Variants in CRYBG1 observed in about 807,000 individuals in gnomAD.
CRYBG1 encodes crystallin beta-gamma domain containing 1.
In CRYBG1, 139 loss-of-function variants were observed where a neutral mutation model predicts 189.2. The observed-to-expected ratio is 0.73, with a 90% confidence interval of 0.64 to 0.85. CRYBG1 has a LOEUF of 0.85. Among genes scored for constraint, CRYBG1 ranks in the 40% least tolerant of loss-of-function variants. The probability of loss-of-function intolerance (pLI) is 0.00; values close to 1 mark genes in which losing one functional copy is unlikely to be tolerated. For synonymous variants in CRYBG1, 1,023 were observed against 1,017.1 expected (o/e 1.01, Z -0.11); for missense variants, 2,611 against 2,675.8 (o/e 0.98, Z 0.53).
intron 1 of CRYBG1, among the ~76,000 whole-genome samples, chr6:106,381,153 C>G (rs1052612134): frequency 1.2e-4 from 19 of 152,274 alleles, no homozygotes; most frequent in African/African-American, 4.6e-4. Context: ...TGAGGTATAT[C>G]CAGACACTCC....
At chr6:106,415,082 T>A (rs576666037) in intron 1 of CRYBG1, among the ~76,000 whole-genome samples, 1 of 152,292 alleles carries the variant, frequency 6.6e-6, no homozygotes, top group Admixed American at 6.5e-5. Flanking sequence ...GCTCCTACAA[T>A]CTTTGAGTCC....
intron 2 of CRYBG1, among the ~76,000 whole-genome samples, chr6:106,506,960 A>C (rs1399881388): frequency 6.6e-6 from 1 of 152,170 alleles, no homozygotes; most frequent in Non-Finnish European, 1.5e-5. Flanking sequence ...GAACAGTTTC[A>C]AAAAAACTCT....
chr6:106,522,527 C>T lies in CRYBG1; in HGVS notation c.4245+1074C>T, dbSNP rs561220993. 3.1e-3 allele frequency among the ~76,000 whole-genome samples: 476 copies of T among 152,206 alleles called. 6 individuals are homozygous for T. The highest frequency in any genetic ancestry group is 0.011 in the African/African-American group (454 of 41,520). On this transcript the variant is annotated intron_variant, in intron 4 of 21. Coordinates refer to ENST00000633556, the MANE Select transcript of CRYBG1 (RefSeq NM_001371242.2). ...TTTACTCGGTTTTTGATGTGAATTG[C>T]GCCTTTTTGTTACCAAGCTTATTTA... is the stretch of plus-strand genomic sequence containing the variant.
chr6:106,558,408 T>C, intron 17 of CRYBG1, 78 bp from the exon 18 acceptor site: 1 of 1,284,712 alleles, frequency 7.8e-7, no homozygotes, highest in Non-Finnish European at 1.1e-6. Context: ...GCTTTGTCCT[T>C]GTAACAAGAT....
rs112658894 is a variant in CRYBG1 at position 106,542,378 on chromosome 6, G to C, written c.4881+757G>C. On this transcript the variant is annotated intron_variant, in intron 10 of 21. Transcript: ENST00000633556. ...GCTCACTGAAGCCTCGATTTCTCCA[G>C]CTCAAGCCATCCTCTTGCCTCAGCC... 2.8e-3 allele frequency among the ~76,000 whole-genome samples: 411 copies of C among 149,410 alleles called. 4 individuals carry two copies. The highest frequency in any genetic ancestry group is 9.7e-3 in the African/African-American group (395 of 40,808).
Position 106,511,629 on chromosome 6 carries a change from A to G in CRYBG1, c.512A>G (p.Gln171Arg), listed in dbSNP as rs1332550133. 6.5e-7 allele frequency: 1 copy of G among 1,535,806 alleles called. No homozygotes were observed. The highest frequency in any genetic ancestry group is 2.0e-5 in the Admixed American group (1 of 50,988). The change falls in exon 3 of 22, where the codon CAG becomes CGG. Residue 171 changes from glutamine to arginine, a missense_variant. This residue lies in a region of CRYBG1 where 985 missense variants were observed against 924.4 expected (regional missense o/e 1.07). Transcript: ENST00000633556. ...AGAGAGAGTGAGAGGAGCAGATCTCAGAGCAGCCAACTGAAGCAAACGGAC... is the reference window on the plus strand; with the variant it reads ...AGAGAGAGTGAGAGGAGCAGATCTCGGAGCAGCCAACTGAAGCAAACGGAC... Reference protein sequence around the residue: ...PERESERSRSQSSQLKQTDTS... With the variant: ...PERESERSRSRSSQLKQTDTS...
chr6:106,465,907 C>G (rs1391514881), intron 2 of CRYBG1, among the ~76,000 whole-genome samples: 1 of 152,166 alleles, frequency 6.6e-6, no homozygotes, highest in Non-Finnish European at 1.5e-5. Flanking sequence ...TGTAGAATCA[C>G]TCAAATTTAA....
chr6:106,381,825 A>G (rs968216866), intron 1 of CRYBG1, among the ~76,000 whole-genome samples: 54 of 152,340 alleles, frequency 3.5e-4, no homozygotes, highest in African/African-American at 1.2e-3. Context: ...GAAAGCCCCC[A>G]GGTGGTTGGA....
intron 2 of CRYBG1, among the ~76,000 whole-genome samples, chr6:106,489,799 A>G (rs1772677508): frequency 6.7e-6 from 1 of 150,144 alleles, no homozygotes; most frequent in African/African-American, 2.5e-5. Context: ...AAAAAAAAAA[A>G]AAAAAAAAGA....
rs188297785 is a variant in CRYBG1, at chr6:106,528,913, G to A, written c.4579-1263G>A. Among the ~76,000 whole-genome samples, 16 of 151,684 alleles carry A rather than the reference G, an allele frequency of 1.1e-4. No individual in the cohort carries two copies. In the East Asian group the frequency reaches 2.1e-3, roughly 20 times the overall value. On this transcript the variant is annotated intron_variant, in intron 7 of 21. Coordinates refer to ENST00000633556, the MANE Select transcript of CRYBG1 (RefSeq NM_001371242.2). The stretch of plus-strand genomic sequence containing the variant: ...TTTTTACTATTATAAGTAATGCCAC[G>A]AGAATGTTTTTGTGCATTTAATAAT...
chr6:106,392,856 C>T (rs1014965083), intron 1 of CRYBG1, among the ~76,000 whole-genome samples: 1 of 152,026 alleles, frequency 6.6e-6, no homozygotes, highest in African/African-American at 2.4e-5. Context: ...CTCACTGCAA[C>T]CTCCGCCTTC....
At chr6:106,498,336 C>T (rs1489856479) in intron 2 of CRYBG1, among the ~76,000 whole-genome samples, 2 of 152,154 alleles carry the variant, frequency 1.3e-5, no homozygotes, top group African/African-American at 2.4e-5. Flanking sequence ...TGCTGCCACC[C>T]GTTAAGTCTC....
At chr6:106,469,014 G>T (rs1164465367) in intron 2 of CRYBG1, among the ~76,000 whole-genome samples, 5 of 152,190 alleles carry the variant, frequency 3.3e-5, no homozygotes, top group African/African-American at 1.2e-4. Context: ...TTGGAAGAGA[G>T]CGTTCCATTT....
At chr6:106,385,848 G>A (rs972617796) in intron 1 of CRYBG1, among the ~76,000 whole-genome samples, 4 of 152,122 alleles carry the variant, frequency 2.6e-5, no homozygotes, top group Non-Finnish European at 2.9e-5. Context: ...AGGATCAACT[G>A]TTCACCAATA....
chr6:106,410,939 C>T (rs77068044), intron 1 of CRYBG1, among the ~76,000 whole-genome samples: 12,043 of 152,170 alleles, frequency 0.079, 625 homozygotes, highest in East Asian at 0.15. Flanking sequence ...AGCAAACCAC[C>T]ATGGCACATG....
intron 2 of CRYBG1, among the ~76,000 whole-genome samples, chr6:106,466,303 A>G (rs567099990): frequency 2.0e-5 from 3 of 152,336 alleles, no homozygotes; most frequent in South Asian, 2.1e-4. Flanking sequence ...CCAGAAGGTC[A>G]AAGTATATAA....
chr6:106,369,128 A>G (rs1271725932), intron 1 of CRYBG1, among the ~76,000 whole-genome samples: 3 of 152,228 alleles, frequency 2.0e-5, no homozygotes, highest in African/African-American at 7.2e-5. Flanking sequence ...ACATTTTGAC[A>G]AAGTACCAGG....
chr6:106,508,300 C>T (rs1294907261), intron 2 of CRYBG1, among the ~76,000 whole-genome samples: 2 of 116,112 alleles, frequency 1.7e-5, no homozygotes, highest in South Asian at 5.7e-4. Context: ...CTTTATTTCC[C>T]AGGGGGAAAA....
intron 1 of CRYBG1, among the ~76,000 whole-genome samples, chr6:106,430,362 C>T (rs1457963545): frequency 2.0e-5 from 3 of 152,040 alleles, no homozygotes; most frequent in Non-Finnish European, 4.4e-5. Flanking sequence ...GATGGTGCCA[C>T]TACACTCCAG....
Sources: allele counts gnomAD v4.1 joint callset (sites outside exome capture counted in the v4.1 genomes callset), GRCh38; gene constraint gnomAD v4.1.1; regional missense constraint gnomAD v4.1.1; transcripts MANE v1.5; gene names NCBI Gene and HGNC (gene_info 2026-07-23, HGNC 2026-07-21).